The following PTPRD variants were observed in gnomAD, a reference collection of about 807,000 sequenced individuals.
PTPRD encodes the protein protein tyrosine phosphatase receptor type D, also known as receptor-type tyrosine-protein phosphatase delta.
Under a neutral mutation model 214.5 loss-of-function variants are expected in PTPRD, and 34 were observed. The observed-to-expected ratio is 0.16, with a 90% confidence interval of 0.12 to 0.21. The LOEUF is 0.21. Among genes scored for constraint, PTPRD ranks in the 10% least tolerant of loss-of-function variants. The pLI is 1.00. For missense variants in PTPRD, 2,545 were observed against 2,398.7 expected, an observed-to-expected ratio of 1.06 and a Z score of -1.27; for synonymous variants, 1,128 against 845.7, an observed-to-expected ratio of 1.33 and a Z score of -5.79.
intron 14 of PTPRD, among the ~76,000 whole-genome samples, chr9:8,577,418 GA>G (rs955626175): frequency 1.3e-5 from 2 of 152,024 alleles, no homozygotes; most frequent in Non-Finnish European, 2.9e-5. Context: ...ACCACACCCA[GA>G]AAAAATTGTA....
intron 10 of PTPRD, among the ~76,000 whole-genome samples, chr9:9,137,255 A>G (rs1047543319): frequency 1.3e-5 from 2 of 152,194 alleles, no homozygotes; most frequent in Non-Finnish European, 2.9e-5. Flanking sequence ...ATTTATATTT[A>G]AGCCTCAAGG....
chr9:10,186,089 T>A (rs900962192), intron 3 of PTPRD, among the ~76,000 whole-genome samples: 14 of 97,962 alleles, frequency 1.4e-4, no homozygotes, highest in African/African-American at 4.4e-4. Flanking sequence ...TAAACAATAT[T>A]TTTTTTTTTT....
intron 7 of PTPRD, among the ~76,000 whole-genome samples, chr9:9,716,958 G>T (rs1024280882): frequency 5.3e-5 from 8 of 152,114 alleles, no homozygotes; most frequent in African/African-American, 1.9e-4. Flanking sequence ...TGCCTAGGAT[G>T]TCTTCTAGGA....
At chr9:8,340,591 G>A (rs949704054) in intron 41 of PTPRD, 122 bp from the exon 42 acceptor site, 4 of 959,546 alleles carry the variant, frequency 4.2e-6, no homozygotes, top group Non-Finnish European at 4.3e-6. Context: ...ATGCAATTGA[G>A]GTAAATTCCT....
intron 11 of PTPRD, among the ~76,000 whole-genome samples, chr9:8,919,322 G>C (rs1390333946): frequency 1.3e-5 from 2 of 151,584 alleles, no homozygotes; most frequent in Admixed American, 1.3e-4. Context: ...GAACCTGGGG[G>C]GTGGAGGTGC....
chr9:8,991,216 C>G (rs938939425), intron 11 of PTPRD, among the ~76,000 whole-genome samples: 12 of 136,468 alleles, frequency 8.8e-5, no homozygotes, highest in African/African-American at 3.3e-4. Flanking sequence ...GACACTCTGT[C>G]TCAAAAAAAA....
chr9:10,086,841 A>G (rs974481157), intron 3 of PTPRD, among the ~76,000 whole-genome samples: 2 of 151,810 alleles, frequency 1.3e-5, no homozygotes, highest in East Asian at 3.9e-4. Flanking sequence ...ACTATTTACA[A>G]TTTAAATGCC....
intron 22 of PTPRD, among the ~76,000 whole-genome samples, chr9:8,505,483 G>A (rs1342414492): frequency 6.6e-6 from 1 of 151,802 alleles, no homozygotes; most frequent in Non-Finnish European, 1.5e-5. Flanking sequence ...TTAGCCGGGT[G>A]TGGTGGTGGG....
intron 9 of PTPRD, among the ~76,000 whole-genome samples, chr9:9,281,972 T>A (rs937128568): frequency 6.6e-6 from 1 of 151,324 alleles, no homozygotes; most frequent in Non-Finnish European, 1.5e-5. Flanking sequence ...GGAGAAACCA[T>A]AAATGCATAT....
chr9:9,011,810 T>G (rs547413421), intron 11 of PTPRD, among the ~76,000 whole-genome samples: 39 of 152,312 alleles, frequency 2.6e-4, no homozygotes, highest in African/African-American at 8.7e-4. Flanking sequence ...TGGCACTGGT[T>G]CTTTTGATGG....
intron 10 of PTPRD, among the ~76,000 whole-genome samples, chr9:9,167,574 G>A (rs2099906665): frequency 6.6e-6 from 1 of 151,910 alleles, no homozygotes; most frequent in Non-Finnish European, 1.5e-5. Context: ...GATCAACATG[G>A]AGAAACTCTG....
At chr9:9,601,785 G>C (rs1041638268) in intron 7 of PTPRD, among the ~76,000 whole-genome samples, 3 of 151,996 alleles carry the variant, frequency 2.0e-5, no homozygotes, top group Non-Finnish European at 4.4e-5. Flanking sequence ...AGGTGGAGCA[G>C]ACCATAAACA....
intron 10 of PTPRD, among the ~76,000 whole-genome samples, chr9:9,089,408 G>T (rs2099772245): frequency 6.6e-6 from 1 of 152,156 alleles, no homozygotes; most frequent in Non-Finnish European, 1.5e-5. Flanking sequence ...ATGTAGCTGG[G>T]ACAATTGCTC....
intron 8 of PTPRD, among the ~76,000 whole-genome samples, chr9:9,500,021 G>C (rs1047324087): frequency 2.6e-5 from 4 of 152,022 alleles, no homozygotes; most frequent in Admixed American, 2.6e-4. Flanking sequence ...TAATTCTTAT[G>C]AACACAGCAT....
rs1318357 is a variant in PTPRD at position 10,613,002 on chromosome 9, C to G, written c.-1022G>C. Among the ~76,000 whole-genome samples the G allele has an allele frequency of 0.039, 5,873 of 151,444 alleles. 243 individuals are homozygous for G. The highest frequency in any genetic ancestry group is 0.19 in the South Asian group (911 of 4,830). On this transcript the variant is annotated 5_prime_UTR_variant, in exon 1 of 46. Coordinates refer to ENST00000381196, the MANE Select transcript of PTPRD (RefSeq NM_002839.4). ...GCTCCCTCCTCGTCTCGCTCGCACT[C>G]ACAGGCACACACCCCACGTCTCCAG... is the stretch of plus-strand genomic sequence containing the variant.
At chr9:8,757,935 G>A (rs1462888208) in intron 11 of PTPRD, among the ~76,000 whole-genome samples, 2 of 152,034 alleles carry the variant, frequency 1.3e-5, no homozygotes, top group East Asian at 1.9e-4. Context: ...TTGAAATCTG[G>A]ATCTCACAGA....
chr9:8,795,157 TA>T (rs1211503370), intron 11 of PTPRD, among the ~76,000 whole-genome samples: 3 of 151,954 alleles, frequency 2.0e-5, no homozygotes, highest in Admixed American at 1.3e-4. Context: ...ATGTTTATTT[TA>T]TATGAAGAAA....
At chr9:9,597,540 A>C (rs563673691) in intron 7 of PTPRD, among the ~76,000 whole-genome samples, 4 of 152,176 alleles carry the variant, frequency 2.6e-5, no homozygotes, top group Non-Finnish European at 5.9e-5. Context: ...TGTTATAGGA[A>C]TATTCAAGAG....
Position 9,063,745 on chromosome 9 carries a change from G to C in PTPRD, c.-142-45010C>G, listed in dbSNP as rs138266335. The stretch of plus-strand genomic sequence containing the variant: ...AAAGAAAGATGTTTAATGAACACTA[G>C]TATGCGGAAGACTGTTTTCCTCAGA... On this transcript the variant is annotated intron_variant, in intron 10 of 45. Coordinates refer to ENST00000381196, the MANE Select transcript of PTPRD (RefSeq NM_002839.4). Among the ~76,000 whole-genome samples the C allele has an allele frequency of 9.6e-4, 146 of 152,254 alleles. 1 individual carries two copies. Among genetic ancestry groups the C allele is most frequent in the African/African-American group, 3.3e-3 (139 of 41,558 alleles).
Sources: gnomAD v4.1 joint callset for allele counts (sites outside exome capture counted in the v4.1 genomes callset) on GRCh38, gnomAD v4.1.1 for gene constraint, MANE v1.5 for transcripts, NCBI Gene and HGNC (gene_info 2026-07-23, HGNC 2026-07-21) for gene names.